The following NWD1 variants were observed in gnomAD, a reference collection of about 807,000 sequenced individuals.
NWD1 encodes the protein NACHT domain- and WD repeat-containing protein 1.
In NWD1, 129 loss-of-function variants were observed where a neutral mutation model predicts 135.1. The observed-to-expected ratio is 0.96, with a 90% CI of 0.83 to 1.11. The LOEUF (loss-of-function observed/expected upper bound fraction) is 1.11. NWD1 is among the 50% of genes least tolerant of loss of function. The pLI is 0.00. For missense variants in NWD1, 1,740 were observed against 1,851.3 expected, an observed-to-expected ratio of 0.94 and a Z score of 1.10; for synonymous variants, 773 against 786.0, an observed-to-expected ratio of 0.98 and a Z score of 0.28.
chr19:16,746,403 G>C (rs990409516), intron 5 of NWD1, among the ~76,000 whole-genome samples: 1 of 151,960 alleles, frequency 6.6e-6, no homozygotes, highest in South Asian at 2.1e-4. Flanking sequence ...GGCCGGGTGC[G>C]GTGGCTCATG....
chr19:16,814,118 C>A (rs773891), intron 18 of NWD1, among the ~76,000 whole-genome samples: 3,917 of 152,124 alleles, frequency 0.026, 178 homozygotes, highest in African/African-American at 0.088. Flanking sequence ...CATGATAGCA[C>A]CATTGCACTC....
chr19:16,756,159 C>T (rs996697637), intron 6 of NWD1, among the ~76,000 whole-genome samples: 9 of 151,874 alleles, frequency 5.9e-5, no homozygotes, highest in East Asian at 1.9e-4. Context: ...AGGCTGAGTA[C>T]GAGAATTGCT....
At chr19:16,802,588 T>A (rs1970635961) in intron 17 of NWD1, among the ~76,000 whole-genome samples, 2 of 150,814 alleles carry the variant, frequency 1.3e-5, no homozygotes, top group African/African-American at 2.4e-5. Flanking sequence ...CCTGGGGCCC[T>A]CACCAGAAGC....
In NWD1 at chr19:16,791,508, A is replaced by G. The variant is rs761456386; in HGVS notation, c.3099A>G (p.Lys1033=). The stretch of plus-strand genomic sequence containing the variant: ...GTCTGTGGAGCTCAGCTACGGGAAA[A>G]CTTCAGGGGAAGCAACATATGTCCA... ...VVSLWSSATG[K]LQGKQHMSSI... The change falls in exon 14 of 19, where the codon AAA becomes AAG. Residue 1033 remains lysine, a synonymous_variant. Transcript: ENST00000524140. 1.1e-5 allele frequency: 17 copies of G among 1,613,964 alleles called. No individual in the cohort carries two copies. Among genetic ancestry groups the G allele is most frequent in the Middle Eastern group, 1.6e-4 (1 of 6,084 alleles).
At chr19:16,753,283 G>A (rs1007414250) in intron 6 of NWD1, among the ~76,000 whole-genome samples, 15 of 152,098 alleles carry the variant, frequency 9.9e-5, no homozygotes, top group Non-Finnish European at 1.8e-4. Context: ...TTTTCTTTGG[G>A]TCCTAATTCC....
chr19:16,784,736 C>T (rs1260417589), intron 12 of NWD1, among the ~76,000 whole-genome samples: 1 of 151,912 alleles, frequency 6.6e-6, no homozygotes, highest in Non-Finnish European at 1.5e-5. Context: ...CGAGACCATC[C>T]TGGCCAACAT....
rs752661454 is a variant in NWD1 at position 16,759,353 on chromosome 19, G to A, written c.1898G>A (p.Arg633Gln). The A allele has an allele frequency of 5.6e-6, 9 of 1,613,004 alleles. No individual in the cohort carries two copies. In the East Asian group the frequency reaches 1.6e-4, roughly 28 times the overall value. The change falls in exon 7 of 19, where the codon CGG (arginine) becomes CAG (glutamine). Residue 633 changes from arginine (R) to glutamine (Q), a missense_variant. By Grantham distance (43) the Arg-to-Gln change is conservative. Transcript: ENST00000524140. ...CGCTTCCCGCCCCTGCTGTGGGTGC[G>A]GCTTCGTCGGGATCTGGGATACTAC... Reference protein sequence around the residue: ...LLRFPPLLWVRLRRDLGYYLA... With the variant: ...LLRFPPLLWVQLRRDLGYYLA...
Position 16,759,388 on chromosome 19 carries a change from C to T in NWD1, c.1933C>T (p.Arg645Trp), listed in dbSNP as rs1968924569. The T allele has an allele frequency of 3.1e-6, 5 of 1,595,188 alleles. No individual in the cohort carries two copies. The highest frequency in any genetic ancestry group is 2.2e-5 in the South Asian group (2 of 89,332). ...GGATCTGGGATACTACTTGGCCCGG[C>T]GGCCCGTGGATGGCTTCACCCTCCT... is the stretch of plus-strand genomic sequence containing the variant. ...RRDLGYYLAR[R>W]PVDGFTLLAI... is the part of the protein sequence containing the mutation. Residue 645 changes from arginine to tryptophan, a missense_variant, in exon 7 of 19, where the codon CGG becomes TGG. Coordinates refer to ENST00000524140, the MANE Select transcript of NWD1 (RefSeq NM_001007525.5).
chr19:16,807,825 G>T lies in NWD1; in HGVS notation c.3976G>T (p.Asp1326Tyr). The change falls in exon 18 of 19, where the codon GAC becomes TAC. Residue 1326 changes from aspartate to tyrosine, a missense_variant. By Grantham distance (160) the Asp-to-Tyr change is radical. Transcript: ENST00000524140. ...CTATGACAACATCGTCCTGGTGCTG[G>T]ACATCACCTCCGGGGACCCCTGCCC... ...IAYDNIVLVL[D>Y]ITSGDPCPVI... 6.2e-7 allele frequency: 1 copy of T among 1,614,140 alleles called. No individual in the cohort carries two copies. The highest frequency in any genetic ancestry group is 1.1e-5 in the South Asian group (1 of 91,078).
At chr19:16,774,241 C>T (rs1269877660) in intron 11 of NWD1, among the ~76,000 whole-genome samples, 2 of 151,306 alleles carry the variant, frequency 1.3e-5, no homozygotes, top group East Asian at 2.0e-4. Flanking sequence ...ATCCACCCAC[C>T]CATTCATACA....
chr19:16,794,889 C>T (rs1970369144), intron 15 of NWD1, among the ~76,000 whole-genome samples: 1 of 152,098 alleles, frequency 6.6e-6, no homozygotes, highest in South Asian at 2.1e-4. Flanking sequence ...TCAAACGATC[C>T]TCCCACGTCA....
intron 5 of NWD1, among the ~76,000 whole-genome samples, chr19:16,746,302 G>C (rs1417381522): frequency 2.0e-5 from 3 of 151,854 alleles, no homozygotes; most frequent in Non-Finnish European, 4.4e-5. Flanking sequence ...GGAGATTGCA[G>C]TGAACCAAGA....
At chr19:16,814,949 G>A in intron 18 of NWD1, 79 bp from the exon 19 acceptor site, 1 of 1,305,310 alleles carries the variant, frequency 7.7e-7, no homozygotes. Context: ...TTTATTCCAT[G>A]CAGCCAACTC....
intron 3 of NWD1, 114 bp from the exon 4 acceptor site, chr19:16,736,520 G>A (rs1352865578): frequency 2.9e-6 from 2 of 685,704 alleles, no homozygotes; most frequent in African/African-American, 1.8e-5. Flanking sequence ...TCCCCCTACA[G>A]GAAGAGGCTG....
At chr19:16,793,642 T>C (rs1357011121) in intron 14 of NWD1, among the ~76,000 whole-genome samples, 6 of 151,412 alleles carry the variant, frequency 4.0e-5, no homozygotes, top group Non-Finnish European at 8.8e-5. Context: ...AGTGGCGCAA[T>C]CTCGGCTCAC....
intron 13 of NWD1, among the ~76,000 whole-genome samples, chr19:16,790,963 G>T (rs979551548): frequency 2.3e-4 from 35 of 152,120 alleles, no homozygotes; most frequent in African/African-American, 8.2e-4. Context: ...CGGGTGCAGT[G>T]GCTCACACTC....
At chr19:16,775,191 A>G (rs1277281170) in intron 11 of NWD1, among the ~76,000 whole-genome samples, 1 of 152,088 alleles carries the variant, frequency 6.6e-6, no homozygotes, top group African/African-American at 2.4e-5. Context: ...CAATGCATGG[A>G]GGAGTTGATT....
chr19:16,800,049 C>T lies in NWD1; in HGVS notation c.3623C>T (p.Pro1208Leu). 2 of 1,614,210 alleles carry T rather than the reference C, an allele frequency of 1.2e-6. No individual in the cohort carries two copies. Among genetic ancestry groups the T allele is most frequent in the Non-Finnish European group, 1.7e-6 (2 of 1,180,014 alleles). The change falls in exon 17 of 19, where the codon CCT (proline) becomes CTT (leucine). Residue 1208 changes from proline (P) to leucine (L), a missense_variant. Physicochemically the swap from Pro to Leu is moderately conservative, Grantham distance 98. Transcript: ENST00000524140. ...AGCGATGCTCATAGGTCCCGGGTGC[C>T]TGCACCATTTCTGGACCGCACCGGC... ...DLSDAHRSRV[P>L]APFLDRTGLT...
rs1970549767 is a variant in NWD1 at position 16,800,025 on chromosome 19, G to A, written c.3599G>A (p.Ser1200Asn). Residue 1200 changes from serine to asparagine, a missense_variant, in exon 17 of 19, where the codon AGC (serine) becomes AAC (asparagine). Physicochemically the swap from Ser to Asn is conservative, Grantham distance 46. Transcript: ENST00000524140. The part of the protein sequence containing the change: ...QSSSFKVWDL[S>N]DAHRSRVPAP... The stretch of plus-strand genomic sequence containing the variant: ...TCATCTTTCAAGGTCTGGGATCTCA[G>A]CGATGCTCATAGGTCCCGGGTGCCT... 1.2e-6 allele frequency: 2 copies of A among 1,614,122 alleles called. No individual in the cohort carries two copies. Among genetic ancestry groups the A allele is most frequent in the Non-Finnish European group, 1.7e-6 (2 of 1,180,048 alleles).
Sources: gnomAD v4.1 joint callset for allele counts (sites outside exome capture counted in the v4.1 genomes callset) on GRCh38, gnomAD v4.1.1 for gene constraint, MANE v1.5 for transcripts, NCBI Gene and HGNC (gene_info 2026-07-23, HGNC 2026-07-21) for gene names.